Variants in SHPRH observed in about 807,000 individuals in gnomAD.
SHPRH encodes SNF2 histone linker PHD RING helicase, also known as E3 ubiquitin-protein ligase SHPRH.
In SHPRH, 106 loss-of-function variants were observed where a neutral mutation model predicts 202.5. That is an observed-to-expected ratio of 0.52 (90% CI 0.45 to 0.62). SHPRH has a LOEUF of 0.62. Ranked by LOEUF, SHPRH falls within the 20% of genes least tolerant of loss-of-function variation. The pLI is 0.00. For synonymous variants in SHPRH, 729 were observed against 686.0 expected (o/e 1.06, Z -0.98); for missense variants, 1,710 against 2,020.0 (o/e 0.85, Z 2.94).
intron 15 of SHPRH, 145 bp downstream of exon 15, chr6:145,927,044 A>G (rs1784944971): frequency 1.4e-6 from 1 of 714,440 alleles, no homozygotes; most frequent in East Asian, 2.7e-5. Flanking sequence ...CAAATCATCT[A>G]AAATGCTTAT....
rs756600884 is a variant in SHPRH at position 145,922,788 on chromosome 6, T to G, written c.3594A>C (p.Glu1198Asp). Residue 1198 changes from glutamate (E) to aspartate (D), a missense_variant, in exon 19 of 30, where the codon GAA (glutamate) becomes GAC (aspartate). Coordinates refer to ENST00000275233, the MANE Select transcript of SHPRH (RefSeq NM_001042683.3). ...CTAGCTTCTGGCATTTATTTAGCTC[T>G]TCCATTTGTGTTGTAAGTAAGAACT... ...GLQFLLTTQM[E>D]ELNKCQKLVR... The G allele has an allele frequency of 6.2e-7, 1 of 1,612,070 alleles. No individual in the cohort carries two copies.
intron 1 of SHPRH, among the ~76,000 whole-genome samples, chr6:145,958,144 T>C (rs1037151004): frequency 1.3e-5 from 2 of 152,150 alleles, no homozygotes; most frequent in Middle Eastern, 3.2e-3. Context: ...GATGAGTGGT[T>C]ACCAGGGGCA....
At chr6:145,889,404 GATA>G (rs1322637439) in intron 28 of SHPRH, among the ~76,000 whole-genome samples, 1 of 152,082 alleles carries the variant, frequency 6.6e-6, no homozygotes, top group African/African-American at 2.4e-5. Context: ...TCTAAAGATG[GATA>G]ATATTAAGAC....
At chr6:145,941,957 A>G in intron 9 of SHPRH, 83 bp from the exon 10 acceptor site, 1 of 1,499,896 alleles carries the variant, frequency 6.7e-7, no homozygotes, top group South Asian at 1.3e-5. Flanking sequence ...ACCCTTACTA[A>G]GTCCTCTCTA....
intron 24 of SHPRH, among the ~76,000 whole-genome samples, chr6:145,910,961 T>C (rs564638471): frequency 6.6e-6 from 1 of 152,256 alleles, no homozygotes; most frequent in African/African-American, 2.4e-5. Context: ...ACTTAGAATA[T>C]TAATTTGGAG....
chr6:145,953,549 T>A (rs1031599993), intron 2 of SHPRH, among the ~76,000 whole-genome samples: 5 of 152,136 alleles, frequency 3.3e-5, no homozygotes, highest in African/African-American at 4.8e-5. Context: ...AGTCTAATAA[T>A]TCTAAATGTT....
intron 22 of SHPRH, chr6:145,918,956 C>G (rs1453882876): frequency 1.3e-5 from 2 of 156,878 alleles, no homozygotes; most frequent in East Asian, 3.8e-4. Context: ...GCAAAAGAAA[C>G]ACTGCAAAAG....
At chr6:145,929,911 T>C (rs763765521) in intron 14 of SHPRH, among the ~76,000 whole-genome samples, 2 of 152,112 alleles carry the variant, frequency 1.3e-5, no homozygotes, top group Non-Finnish European at 2.9e-5. Flanking sequence ...TCATTCTTCA[T>C]CTCTGTTTTT....
downstream of SHPRH, among the ~76,000 whole-genome samples, chr6:145,863,707 T>C (rs1357367649): frequency 1.3e-5 from 2 of 152,098 alleles, no homozygotes; most frequent in Admixed American, 1.3e-4. Flanking sequence ...CAGGACGTGG[T>C]CAATGTCAAA....
At chr6:145,899,304 T>C (rs548558506) in intron 25 of SHPRH, among the ~76,000 whole-genome samples, 52 of 152,172 alleles carry the variant, frequency 3.4e-4, no homozygotes, top group African/African-American at 1.2e-3. Flanking sequence ...ATTTTAAAAC[T>C]ACAGTAATAA....
intron 2 of SHPRH, among the ~76,000 whole-genome samples, chr6:145,864,943 TCACACACACA>T (rs71552940): frequency 1.6e-4 from 16 of 102,824 alleles, no homozygotes; most frequent in African/African-American, 2.9e-4. Context: ...ACACACACAC[TCACACACACA>T]CACACACACA....
In SHPRH at chr6:145,919,330, G is replaced by T; in HGVS notation, c.4152+18C>A. On this transcript the variant is annotated intron_variant, in intron 22 of 29. Coordinates refer to ENST00000275233, the MANE Select transcript of SHPRH (RefSeq NM_001042683.3). ...ATCTGCTTGCTGTTCCCTTTTCTGT[G>T]ATTTACTTGCCAATTACCTCATGTG... 2 of 1,611,778 alleles carry T rather than the reference G, an allele frequency of 1.2e-6. No homozygotes were observed. The highest frequency in any genetic ancestry group is 1.7e-6 in the Non-Finnish European group (2 of 1,178,696).
At chr6:145,957,789 T>C (rs1562379197) in intron 1 of SHPRH, among the ~76,000 whole-genome samples, 1 of 152,208 alleles carries the variant, frequency 6.6e-6, no homozygotes, top group South Asian at 2.1e-4. Flanking sequence ...TAAAATTGAA[T>C]ATAACTTACT....
At chr6:145,874,086 T>C (rs184146755) in intron 2 of SHPRH, among the ~76,000 whole-genome samples, 2 of 152,086 alleles carry the variant, frequency 1.3e-5, no homozygotes, top group Admixed American at 1.3e-4. Flanking sequence ...TAATCCCAGC[T>C]ACTTGGGAGG....
At chr6:145,871,733 A>G (rs1780063993) in intron 2 of SHPRH, among the ~76,000 whole-genome samples, 1 of 152,212 alleles carries the variant, frequency 6.6e-6, no homozygotes, top group Non-Finnish European at 1.5e-5. Context: ...GAGCCTGAAT[A>G]CTGAAAGCAA....
intron 18 of SHPRH, 26 bp downstream of exon 18, chr6:145,923,617 G>A: frequency 6.2e-7 from 1 of 1,607,626 alleles, no homozygotes; most frequent in Non-Finnish European, 8.5e-7. Context: ...ATTATGAGTA[G>A]ATACTTTTTC....
At chr6:145,908,482 T>C (rs1054066763) in intron 25 of SHPRH, 4 of 152,194 alleles carry the variant, frequency 2.6e-5, no homozygotes, top group Admixed American at 6.6e-5. Context: ...TGGTATCTCA[T>C]TGTGGTTCTG....
At chr6:145,936,715 A>G (rs1407909480) in intron 11 of SHPRH, among the ~76,000 whole-genome samples, 2 of 152,160 alleles carry the variant, frequency 1.3e-5, no homozygotes, top group African/African-American at 2.4e-5. Context: ...AATAATAAAA[A>G]TATCCTTCCC....
At chr6:145,950,172 GT>G in intron 4 of SHPRH, 91 bp downstream of exon 4, 1 of 1,006,388 alleles carries the variant, frequency 9.9e-7, no homozygotes, top group Non-Finnish European at 1.5e-6. Context: ...TTTTCAGGAT[GT>G]TTATTTTAAT....
Sources: allele counts gnomAD v4.1 joint callset (sites outside exome capture counted in the v4.1 genomes callset), GRCh38; gene constraint gnomAD v4.1.1; transcripts MANE v1.5; gene names NCBI Gene and HGNC (gene_info 2026-07-23, HGNC 2026-07-21).